ISM1: variants seen among roughly 807,000 people sequenced by gnomAD.
The protein encoded by ISM1 is isthmin-1.
Under a neutral mutation model 46.3 loss-of-function variants are expected in ISM1, and 25 were observed. That is an observed-to-expected ratio of 0.54 (90% CI 0.39 to 0.75). The LOEUF (loss-of-function observed/expected upper bound fraction) is 0.75. Among genes scored for constraint, ISM1 ranks in the 30% least tolerant of loss-of-function variants. The pLI, the probability that ISM1 is intolerant of heterozygous loss-of-function variation, is 0.00. For missense variants in ISM1, 536 were observed against 625.4 expected (o/e 0.86, Z 1.52); for synonymous variants, 255 against 256.7 (o/e 0.99, Z 0.06).
At chr20:13,308,821 AG>A in the ISM1 span, among the ~76,000 whole-genome samples, 1 of 152,184 alleles carries the variant, frequency 6.6e-6, no homozygotes. Context: ...TTAGGTCATG[AG>A]GGTGGAACCC....
chr20:13,223,393 C>T (rs1388231678), intron 1 of ISM1, among the ~76,000 whole-genome samples: 2 of 152,142 alleles, frequency 1.3e-5, no homozygotes, highest in Non-Finnish European at 2.9e-5. Context: ...ATTTAACTCA[C>T]TTAATTTAAC....
chr20:13,285,241 T>C (rs2040279025), intron 3 of ISM1, among the ~76,000 whole-genome samples: 1 of 151,906 alleles, frequency 6.6e-6, no homozygotes, highest in Non-Finnish European at 1.5e-5. Context: ...CAATGAGCCA[T>C]GATGGTGCCA....
intron 1 of ISM1, among the ~76,000 whole-genome samples, chr20:13,223,173 A>T (rs904826110): frequency 4.8e-5 from 7 of 145,384 alleles, no homozygotes; most frequent in African/African-American, 1.8e-4. Flanking sequence ...AAAATAAAAT[A>T]AAATAAAATA....
chr20:13,277,376 C>T (rs1275027309), intron 2 of ISM1, among the ~76,000 whole-genome samples: 4 of 152,106 alleles, frequency 2.6e-5, no homozygotes, highest in African/African-American at 9.7e-5. Context: ...CCTCCAAGAC[C>T]CTTAATAGCC....
At chr20:13,269,156 C>G (rs1259150540) in intron 1 of ISM1, among the ~76,000 whole-genome samples, 1 of 152,056 alleles carries the variant, frequency 6.6e-6, no homozygotes, top group Non-Finnish European at 1.5e-5. Context: ...CCAAAACATG[C>G]CCAAGAAAAA....
At chr20:13,257,795 TG>T (rs2039944406) in intron 1 of ISM1, among the ~76,000 whole-genome samples, 1 of 151,892 alleles carries the variant, frequency 6.6e-6, no homozygotes, top group Non-Finnish European at 1.5e-5. Context: ...CAGTGTACTG[TG>T]GGCCAGTGTT....
the ISM1 span, among the ~76,000 whole-genome samples, chr20:13,305,928 C>G: frequency 1.3e-5 from 2 of 152,186 alleles, no homozygotes; most frequent in Non-Finnish European, 2.9e-5. Context: ...CATCCTCAAC[C>G]ATTTTAGTGG....
the ISM1 span, among the ~76,000 whole-genome samples, chr20:13,324,240 G>A: frequency 6.6e-6 from 1 of 152,188 alleles, no homozygotes; most frequent in Non-Finnish European, 1.5e-5. Flanking sequence ...GACTTTCACA[G>A]CCCCACCTCA....
At chr20:13,245,829 A>G (rs933840075) in intron 1 of ISM1, among the ~76,000 whole-genome samples, 4 of 152,206 alleles carry the variant, frequency 2.6e-5, no homozygotes, top group Admixed American at 6.5e-5. Flanking sequence ...GAGGAACTCC[A>G]TATCTGGAAC....
the ISM1 span, among the ~76,000 whole-genome samples, chr20:13,306,962 T>C: frequency 6.6e-6 from 1 of 152,122 alleles, no homozygotes; most frequent in African/African-American, 2.4e-5. Flanking sequence ...GCTCTGTGTT[T>C]CAGGAAAAAG....
intron 2 of ISM1, among the ~76,000 whole-genome samples, chr20:13,275,760 C>T (rs539689166): frequency 1.3e-5 from 2 of 152,268 alleles, no homozygotes; most frequent in African/African-American, 4.8e-5. Context: ...GATAGATGCT[C>T]GTTGGTGATG....
At chr20:13,236,406 G>A (rs2039650237) in intron 1 of ISM1, among the ~76,000 whole-genome samples, 1 of 152,092 alleles carries the variant, frequency 6.6e-6, no homozygotes, top group African/African-American at 2.4e-5. Flanking sequence ...CACAACACAT[G>A]GGAATTCTGG....
chr20:13,250,150 C>T (rs1234412327), intron 1 of ISM1, among the ~76,000 whole-genome samples: 1 of 152,278 alleles, frequency 6.6e-6, no homozygotes, highest in East Asian at 1.9e-4. Flanking sequence ...AGGGTTCATG[C>T]CATGAAACGA....
intron 4 of ISM1, among the ~76,000 whole-genome samples, chr20:13,289,426 C>G (rs1423556156): frequency 2.0e-5 from 3 of 152,206 alleles, no homozygotes; most frequent in African/African-American, 7.2e-5. Context: ...AGTTAACTGT[C>G]ACTTTATACT....
At chr20:13,249,071 C>T (rs574922952) in intron 1 of ISM1, among the ~76,000 whole-genome samples, 2 of 152,238 alleles carry the variant, frequency 1.3e-5, no homozygotes, top group African/African-American at 4.8e-5. Context: ...CTGCAAAGAA[C>T]CTGTTGCCTT....
At chr20:13,318,454 G>C in the ISM1 span, among the ~76,000 whole-genome samples, 1 of 152,146 alleles carries the variant, frequency 6.6e-6, no homozygotes. Context: ...GCTTACCATA[G>C]GATCCAACAA....
chr20:13,299,509 C>A lies in ISM1; in HGVS notation c.*50C>A. ...GCTGCCTCTGGTTCTGGAGCACACA[C>A]GTGCTGCACTGACGTGCCGACTGGC... On this transcript the variant is annotated 3_prime_UTR_variant, in exon 6 of 6. Transcript: ENST00000262487. The surrounding 1 kb of genome is among the most constrained non-coding windows in gnomAD (Gnocchi z 5.8). 6.6e-7 allele frequency: 1 copy of A among 1,506,866 alleles called. No homozygotes were observed. The highest frequency in any genetic ancestry group is 9.0e-7 in the Non-Finnish European group (1 of 1,112,954). 93.3% of individuals were successfully genotyped at this position (1,506,866 alleles called of 1,614,324 possible). A position where few individuals can be genotyped will look rare whatever the true frequency, so the allele number is the denominator to read the frequency against.
At chr20:13,280,595 A>G (rs2123284668) in intron 3 of ISM1, among the ~76,000 whole-genome samples, 1 of 152,054 alleles carries the variant, frequency 6.6e-6, no homozygotes, top group Non-Finnish European at 1.5e-5. Flanking sequence ...AGTTCCACCA[A>G]CTGTTAGGGC....
intron 4 of ISM1, among the ~76,000 whole-genome samples, chr20:13,290,552 G>A (rs567418823): frequency 3.3e-5 from 5 of 152,300 alleles, no homozygotes; most frequent in African/African-American, 7.2e-5. Flanking sequence ...GGGAGGCTGA[G>A]GCAGGAGAAT....
Sources: gnomAD v4.1 joint callset for allele counts (sites outside exome capture counted in the v4.1 genomes callset) on GRCh38, gnomAD v4.1.1 for gene constraint, Gnocchi (gnomAD v3.1) non-coding constraint, MANE v1.5 for transcripts, NCBI Gene and HGNC (gene_info 2026-07-23, HGNC 2026-07-21) for gene names.